Variants in ZDHHC2 observed in about 807,000 individuals in gnomAD.
ZDHHC2 encodes the protein palmitoyltransferase ZDHHC2.
A neutral mutation model predicts 55.6 loss-of-function variants in ZDHHC2; 51 were observed. The observed-to-expected ratio is 0.92, with a 90% confidence interval of 0.73 to 1.16. The LOEUF (loss-of-function observed/expected upper bound fraction) is 1.16. Ranked by LOEUF, ZDHHC2 falls within the 50% of genes most tolerant of loss-of-function variation. The probability of loss-of-function intolerance (pLI) is 0.00; values close to 1 mark genes in which losing one functional copy is unlikely to be tolerated. For synonymous variants in ZDHHC2, 199 were observed against 152.9 expected (o/e 1.30, Z -2.22); for missense variants, 491 against 442.4 (o/e 1.11, Z -0.99).
At chr8:17,176,652 G>A (rs1805147990) in intron 1 of ZDHHC2, among the ~76,000 whole-genome samples, 1 of 152,158 alleles carries the variant, frequency 6.6e-6, no homozygotes, top group Admixed American at 6.6e-5. Flanking sequence ...CACTGCCAGT[G>A]CAGAGGATCA....
At position 17,222,819 on chromosome 8, in the gene ZDHHC2, G is replaced by C. The variant is rs999145877; in HGVS notation, c.*2598G>C. The stretch of plus-strand genomic sequence containing the variant: ...CATAAATTTTCCTAATAGTTTATTA[G>C]AGCTACTAATGGCAAAATTCATGTC... On this transcript the variant is annotated 3_prime_UTR_variant, in exon 13 of 13. Transcript: ENST00000262096. The C allele has an allele frequency of 2.0e-5, 3 of 151,820 alleles. No individual in the cohort carries two copies. The highest frequency in any genetic ancestry group is 2.0e-4 in the Admixed American group (3 of 15,218). 9.4% of individuals were successfully genotyped at this position (151,820 alleles called of 1,614,324 possible). A position where few individuals can be genotyped will look rare whatever the true frequency, so the allele number is the denominator to read the frequency against.
At chr8:17,160,613 A>G (rs1033057245) in intron 1 of ZDHHC2, among the ~76,000 whole-genome samples, 2 of 152,218 alleles carry the variant, frequency 1.3e-5, no homozygotes, top group African/African-American at 2.4e-5. Context: ...CTCTCCAAAT[A>G]TCTTAGCCCA....
intron 10 of ZDHHC2, among the ~76,000 whole-genome samples, chr8:17,212,088 G>A (rs1247678430): frequency 1.3e-5 from 2 of 152,112 alleles, no homozygotes; most frequent in South Asian, 2.1e-4. Context: ...GGGTGATCTT[G>A]AAGAAGTTAA....
At position 17,221,934 on chromosome 8, in the gene ZDHHC2, C is replaced by G. The variant is rs536592779; in HGVS notation, c.*1713C>G. The G allele has an allele frequency of 1.4e-5, 2 of 147,886 alleles. No individual in the cohort carries two copies. The highest frequency in any genetic ancestry group is 5.1e-5 in the African/African-American group (2 of 39,508). 9.2% of individuals were successfully genotyped at this position (147,886 alleles called of 1,614,324 possible). On this transcript the variant is annotated 3_prime_UTR_variant, in exon 13 of 13. Coordinates refer to ENST00000262096, the MANE Select transcript of ZDHHC2 (RefSeq NM_016353.5). ...GCTACTGCTAGAAGTCTTAAAAAAA[C>G]CAACAGCAGCACAGGATGTATTAAG...
At chr8:17,167,997 C>T (rs1191677272) in intron 1 of ZDHHC2, among the ~76,000 whole-genome samples, 1 of 152,142 alleles carries the variant, frequency 6.6e-6, no homozygotes, top group Non-Finnish European at 1.5e-5. Flanking sequence ...AAAAGACCTT[C>T]TAACATGTGT....
intron 12 of ZDHHC2, among the ~76,000 whole-genome samples, chr8:17,219,690 CTT>C (rs1807824519): frequency 6.6e-6 from 1 of 152,128 alleles, no homozygotes; most frequent in South Asian, 2.1e-4. Flanking sequence ...GAGAGGATGA[CTT>C]GAGCCAGGGA....
intron 10 of ZDHHC2, among the ~76,000 whole-genome samples, chr8:17,212,985 T>C (rs775921305): frequency 2.0e-5 from 3 of 152,036 alleles, no homozygotes; most frequent in Non-Finnish European, 4.4e-5. Context: ...ACCTTGGCCT[T>C]CTGGATGTCA....
rs1286216482 is a variant in ZDHHC2 at position 17,220,553 on chromosome 8, A to G, written c.*332A>G. The G allele has an allele frequency of 6.6e-6, 1 of 152,230 alleles. No homozygotes were observed. The highest frequency in any genetic ancestry group is 6.5e-5 in the Admixed American group (1 of 15,280). 9.4% of individuals were successfully genotyped at this position (152,230 alleles called of 1,614,324 possible). A position where few individuals can be genotyped will look rare whatever the true frequency, so the allele number is the denominator to read the frequency against. ...CCCAAATATATGGGTAGCACAGTTT[A>G]TCACATAGAAACTCCATTAATCATC... On this transcript the variant is annotated 3_prime_UTR_variant, in exon 13 of 13. Transcript: ENST00000262096.
At chr8:17,186,083 T>C (rs894430641) in intron 2 of ZDHHC2, among the ~76,000 whole-genome samples, 2 of 152,224 alleles carry the variant, frequency 1.3e-5, no homozygotes, top group African/African-American at 4.8e-5. Flanking sequence ...AGATGGTCTG[T>C]CTACAGATGG....
At chr8:17,178,200 AGATACCATTTAGGACAG>A (rs1805247286) in intron 1 of ZDHHC2, among the ~76,000 whole-genome samples, 1 of 152,184 alleles carries the variant, frequency 6.6e-6, no homozygotes, top group Non-Finnish European at 1.5e-5. Context: ...GTATCTCATT[AGATACCATTTAGGACAG>A]TAACACTTTA....
At chr8:17,195,046 T>C (rs982848924) in intron 3 of ZDHHC2, among the ~76,000 whole-genome samples, 1 of 152,040 alleles carries the variant, frequency 6.6e-6, no homozygotes, top group Non-Finnish European at 1.5e-5. Flanking sequence ...CTGGGGGAGA[T>C]TTTATGTAAG....
In ZDHHC2 at chr8:17,186,358, T is replaced by C; in HGVS notation, c.185T>C (p.Leu62Pro). The C allele has an allele frequency of 6.3e-7, 1 of 1,596,484 alleles. No individual in the cohort carries two copies. The highest frequency in any genetic ancestry group is 8.5e-7 in the Non-Finnish European group (1 of 1,173,954). The change falls in exon 3 of 13, where the codon CTT (leucine) becomes CCT (proline). Residue 62 changes from leucine (L) to proline (P), a missense_variant. Transcript: ENST00000262096. ...GTGTGCCTGATGGCCTATCATCTAC[T>C]TTTTGCAATGTTTGTCTGGTCATAC... ...QVVCLMAYHL[L>P]FAMFVWSYWK... is the part of the protein sequence containing the mutation.
intron 1 of ZDHHC2, among the ~76,000 whole-genome samples, chr8:17,166,284 G>A (rs1307849267): frequency 3.3e-5 from 5 of 152,192 alleles, no homozygotes; most frequent in African/African-American, 1.2e-4. Context: ...TTTTACAGTA[G>A]CGACAGCAGA....
At chr8:17,187,384 T>TA in intron 3 of ZDHHC2, among the ~76,000 whole-genome samples, 1 of 152,106 alleles carries the variant, frequency 6.6e-6, no homozygotes, top group African/African-American at 2.4e-5. Context: ...CTAACTCTAA[T>TA]AACAGTGTAG....
At chr8:17,208,972 T>A (rs1807239427) in intron 8 of ZDHHC2, among the ~76,000 whole-genome samples, 1 of 152,190 alleles carries the variant, frequency 6.6e-6, no homozygotes, top group Admixed American at 6.5e-5. Context: ...CCACATTTTT[T>A]CATAGTGCCT....
chr8:17,176,336 T>TA (rs1412371913), intron 1 of ZDHHC2, among the ~76,000 whole-genome samples: 1 of 152,146 alleles, frequency 6.6e-6, no homozygotes, highest in African/African-American at 2.4e-5. Context: ...ATCGAAGACT[T>TA]ATTGCTAACC....
chr8:17,157,172 T>C (rs1325418334), intron 1 of ZDHHC2, among the ~76,000 whole-genome samples: 1 of 152,048 alleles, frequency 6.6e-6, no homozygotes, highest in African/African-American at 2.4e-5. Context: ...CCGGGACCGC[T>C]GTGGAGAGGG....
intron 6 of ZDHHC2, among the ~76,000 whole-genome samples, chr8:17,201,639 C>T (rs1405228295): frequency 6.7e-6 from 1 of 148,296 alleles, no homozygotes; most frequent in Non-Finnish European, 1.5e-5. Flanking sequence ...ACTATAGGCG[C>T]CCACCACTAC....
chr8:17,205,542 TAAAG>T (rs1284238497), intron 6 of ZDHHC2, 109 bp from the exon 7 acceptor site: 4 of 1,230,740 alleles, frequency 3.3e-6, no homozygotes, highest in Non-Finnish European at 4.3e-6. Context: ...GAGTTATATT[TAAAG>T]AAATGCCAAT....
Sources: gnomAD v4.1 joint callset for allele counts (sites outside exome capture counted in the v4.1 genomes callset) on GRCh38, gnomAD v4.1.1 for gene constraint, MANE v1.5 for transcripts, NCBI Gene and HGNC (gene_info 2026-07-23, HGNC 2026-07-21) for gene names.